Variants in UROS observed in about 807,000 individuals in gnomAD.
UROS encodes the protein uroporphyrinogen III synthase.
A neutral mutation model predicts 33.0 loss-of-function variants in UROS; 18 were observed. The observed-to-expected ratio is 0.55, with a 90% CI of 0.38 to 0.81. The LOEUF (loss-of-function observed/expected upper bound fraction) is 0.81. UROS is among the 30% of genes least tolerant of loss of function. UROS has a pLI of 0.00. For synonymous variants in UROS, 114 were observed against 121.1 expected (o/e 0.94, Z 0.38); for missense variants, 293 against 314.9 (o/e 0.93, Z 0.53).
intron 9 of UROS, chr10:125,794,406 G>A: frequency 2.0e-6 from 2 of 1,001,182 alleles, no homozygotes; most frequent in South Asian, 8.0e-5. Context: ...AGACACAAGA[G>A]TTGTGGTTAT....
chr10:125,814,265 A>C (rs10159841), intron 4 of UROS, among the ~76,000 whole-genome samples: 63,888 of 152,014 alleles, frequency 0.42, 13,711 homozygotes, highest in Non-Finnish European at 0.47. Flanking sequence ...TAAACCCAGG[A>C]CTAACTCACT....
intron 9 of UROS, 135 bp from the exon 10 acceptor site, chr10:125,789,140 T>C (rs1564769440): frequency 2.1e-6 from 3 of 1,440,876 alleles, no homozygotes; most frequent in Non-Finnish European, 2.8e-6. Flanking sequence ...TTTATAAAAA[T>C]GACAACACTG....
chr10:125,795,176 C>A, intron 8 of UROS, 198 bp from the exon 9 acceptor site: 1 of 619,760 alleles, frequency 1.6e-6, no homozygotes, highest in South Asian at 1.8e-5. Context: ...AAAGAGCAGG[C>A]TGCCATCAGA....
chr10:125,803,111 G>A (rs1420135849), intron 6 of UROS: 22 of 1,587,048 alleles, frequency 1.4e-5, no homozygotes, highest in Admixed American at 1.7e-5. Context: ...AAGAGCTTTG[G>A]AGTCAGCCAG....
chr10:125,786,227 G>A (rs910109242), downstream of UROS, among the ~76,000 whole-genome samples: 1 of 151,880 alleles, frequency 6.6e-6, no homozygotes, highest in Non-Finnish European at 1.5e-5. Context: ...AATGAAGTTT[G>A]GGAACAGATT....
At chr10:125,795,651 C>A (rs1003786314) in intron 8 of UROS, among the ~76,000 whole-genome samples, 3 of 152,184 alleles carry the variant, frequency 2.0e-5, no homozygotes, top group African/African-American at 7.2e-5. Flanking sequence ...GTCTGCCCCT[C>A]CAGCTCCACC....
chr10:125,790,385 T>A (rs542399796), intron 9 of UROS, among the ~76,000 whole-genome samples: 33 of 152,114 alleles, frequency 2.2e-4, no homozygotes, highest in African/African-American at 7.7e-4. Flanking sequence ...AAATTAATGG[T>A]TTCTTGGATA....
intron 7 of UROS, chr10:125,796,807 T>C (rs987456004): frequency 1.0e-6 from 1 of 985,252 alleles, no homozygotes; most frequent in African/African-American, 1.7e-5. Context: ...CAGTCAGATA[T>C]TGACTTATGA....
chr10:125,796,710 CCT>C, intron 7 of UROS: 1 of 874,052 alleles, frequency 1.1e-6, no homozygotes, highest in Non-Finnish European at 1.4e-6. Context: ...CACATTCCTC[CCT>C]GTGCCATTCA....
intron 7 of UROS, 132 bp downstream of exon 7, chr10:125,797,933 C>A (rs1024687319): frequency 9.9e-7 from 1 of 1,015,062 alleles, no homozygotes; most frequent in Non-Finnish European, 1.5e-6. Flanking sequence ...CTCTGTGTCT[C>A]CTGGCCTGGC....
intron 6 of UROS, among the ~76,000 whole-genome samples, chr10:125,798,893 A>G (rs376426670): frequency 6.6e-5 from 10 of 152,366 alleles, no homozygotes; most frequent in South Asian, 2.1e-4. Flanking sequence ...AAAAAAGCTG[A>G]TAAGTTGTCA....
chr10:125,792,664 C>T (rs955359717), intron 9 of UROS: 23 of 152,228 alleles, frequency 1.5e-4, no homozygotes, highest in African/African-American at 4.6e-4. Flanking sequence ...AAGTTCAGGT[C>T]GGAAGTCACC....
At chr10:125,807,115 C>T (rs1052185405) in intron 6 of UROS, 7 of 406,508 alleles carry the variant, frequency 1.7e-5, no homozygotes, top group African/African-American at 1.4e-4. Context: ...CCTGCCTCTG[C>T]TCTCTTTGGA....
downstream of UROS, among the ~76,000 whole-genome samples, chr10:125,786,554 G>A (rs1025792746): frequency 2.6e-5 from 4 of 152,192 alleles, no homozygotes; most frequent in South Asian, 2.1e-4. Flanking sequence ...GTGAGCCACC[G>A]CGCCTGGCCA....
chr10:125,798,594 C>T (rs1320806276), intron 6 of UROS, among the ~76,000 whole-genome samples: 8 of 152,294 alleles, frequency 5.3e-5, no homozygotes, highest in African/African-American at 1.9e-4. Flanking sequence ...AGGAGGCAGC[C>T]GGTAACCGGC....
chr10:125,810,167 C>A (rs971866979), intron 5 of UROS, among the ~76,000 whole-genome samples: 2 of 152,164 alleles, frequency 1.3e-5, no homozygotes, highest in African/African-American at 4.8e-5. Flanking sequence ...GTGATCCATG[C>A]CCCTGTGTCA....
chr10:125,820,391 GACAGGAC>G lies in UROS; in HGVS notation c.-27+2631_-27+2637del, dbSNP rs1296663985. Among the ~76,000 whole-genome samples the G allele has an allele frequency of 2.0e-5, 3 of 152,302 alleles. No individual in the cohort carries two copies. In the South Asian group the frequency reaches 6.2e-4, roughly 32 times the overall value. Reference sequence around the variant, plus strand: ...ATCCCAGATCAAGCATGCAGGAGGAGACAGGACACATTCTTCCTTCTTTGGCTTTTTG... The same window carrying G: ...ATCCCAGATCAAGCATGCAGGAGGAGACATTCTTCCTTCTTTGGCTTTTTG... On this transcript the variant is annotated intron_variant, in intron 1 of 9. Transcript: ENST00000368797.
chr10:125,821,086 CA>C (rs1415667641), intron 1 of UROS, among the ~76,000 whole-genome samples: 1 of 152,038 alleles, frequency 6.6e-6, no homozygotes, highest in Non-Finnish European at 1.5e-5. Context: ...TATAGTTCCT[CA>C]AAAAAATAAA....
rs565827854 is a variant in UROS at position 125,803,079 on chromosome 10, C to T, written c.394+4334G>A. ...ACTTGGACTAAGTATCTTTTAGAAG[C>T]ACACAGAGCAAGGGAGACAGGAAGA... is the stretch of plus-strand genomic sequence containing the variant. On this transcript the variant is annotated intron_variant, in intron 6 of 9. Transcript: ENST00000368797. The T allele has an allele frequency of 3.1e-3, 4,946 of 1,611,916 alleles. 9 individuals carry two copies. Among genetic ancestry groups the T allele is most frequent in the Non-Finnish European group, 3.9e-3 (4,657 of 1,179,396 alleles).
Sources: allele counts gnomAD v4.1 joint callset (sites outside exome capture counted in the v4.1 genomes callset), GRCh38; gene constraint gnomAD v4.1.1; transcripts MANE v1.5; gene names NCBI Gene and HGNC (gene_info 2026-07-23, HGNC 2026-07-21).